TAFA5: variants seen among roughly 807,000 people sequenced by gnomAD.
TAFA5 encodes chemokine-like protein TAFA-5.
In TAFA5, 6 loss-of-function variants were observed where a neutral mutation model predicts 15.3. The ratio of observed to expected loss-of-function variants is 0.39; its 90% CI spans 0.21 to 0.77. The LOEUF (loss-of-function observed/expected upper bound fraction) is 0.77. Among genes scored for constraint, TAFA5 ranks in the 30% least tolerant of loss-of-function variants. The probability of loss-of-function intolerance (pLI) is 0.41; values close to 1 mark genes in which losing one functional copy is unlikely to be tolerated. For synonymous variants in TAFA5, 103 were observed against 80.7 expected, an observed-to-expected ratio of 1.28 and a Z score of -1.48; for missense variants, 161 against 193.1, an observed-to-expected ratio of 0.83 and a Z score of 0.98.
chr22:48,547,531 AG>A (rs1193482335), intron 1 of TAFA5: 1 of 152,310 alleles, frequency 6.6e-6, no homozygotes, highest in African/African-American at 2.4e-5. Flanking sequence ...TTGCTGGGCC[AG>A]AGCTGAAGCA....
intron 1 of TAFA5, among the ~76,000 whole-genome samples, chr22:48,641,777 C>T (rs1926689274): frequency 6.6e-6 from 1 of 152,306 alleles, no homozygotes; most frequent in African/African-American, 2.4e-5. Context: ...GTCCCATGTC[C>T]TCTCAGCAGA....
At chr22:48,662,979 G>C (rs1356860297) in intron 2 of TAFA5, among the ~76,000 whole-genome samples, 1 of 152,184 alleles carries the variant, frequency 6.6e-6, no homozygotes, top group Non-Finnish European at 1.5e-5. Context: ...GGCAGATCTG[G>C]CAGCTCATGC....
At chr22:48,533,988 G>A (rs1922060338) in intron 1 of TAFA5, among the ~76,000 whole-genome samples, 1 of 152,176 alleles carries the variant, frequency 6.6e-6, no homozygotes, top group Non-Finnish European at 1.5e-5. Flanking sequence ...GGACCCCTTA[G>A]CATCTGCATT....
rs1401007784 is a variant in TAFA5 at position 48,490,247 on chromosome 22, G to A, written c.112+543G>A. ...AAACGGGCTCGTCAGGCGCCTTCTGGAAAGAGAAGCGAAGTGAGGGATGGG... is the reference window on the plus strand; with the variant it reads ...AAACGGGCTCGTCAGGCGCCTTCTGAAAAGAGAAGCGAAGTGAGGGATGGG... On this transcript the variant is annotated intron_variant, in intron 1 of 3. Coordinates refer to ENST00000402357, the MANE Select transcript of TAFA5 (RefSeq NM_001082967.3). This position sits in a 1 kb window ranked among gnomAD's most constrained non-coding sequence, Gnocchi z 5.8. Among the ~76,000 whole-genome samples, 3 of 152,244 alleles carry A rather than the reference G, an allele frequency of 2.0e-5. No homozygotes were observed. The South Asian group carries it at 6.2e-4, about 32-fold the overall frequency.
chr22:48,694,054 G>C (rs7291345), intron 2 of TAFA5, among the ~76,000 whole-genome samples: 29,484 of 152,102 alleles, frequency 0.19, 4,009 homozygotes, highest in African/African-American at 0.35. Flanking sequence ...CAGGCCACGC[G>C]GAGGCTGACT....
rs139926573 is a variant in TAFA5 at position 48,511,309 on chromosome 22, T to C, written c.112+21605T>C. 3.3e-4 allele frequency among the ~76,000 whole-genome samples: 50 copies of C among 152,276 alleles called. 1 individual carries two copies. The East Asian group carries it at 8.7e-3, about 27-fold the overall frequency. On this transcript the variant is annotated intron_variant, in intron 1 of 3. Transcript: ENST00000402357. ...AGCCACCTTCTCGGGCTGGCCTCTT[T>C]TGTCTCCTGCTCCTTGGCAAACTGG...
chr22:48,636,144 C>T (rs1287068715), intron 1 of TAFA5, among the ~76,000 whole-genome samples: 2 of 152,238 alleles, frequency 1.3e-5, no homozygotes, highest in Non-Finnish European at 2.9e-5. Flanking sequence ...CCAGTGGGGA[C>T]ACAGGGAGGT....
At chr22:48,564,122 A>G (rs1426206743) in intron 1 of TAFA5, among the ~76,000 whole-genome samples, 1 of 152,242 alleles carries the variant, frequency 6.6e-6, no homozygotes, top group African/African-American at 2.4e-5. Context: ...AAGGCGGCTC[A>G]TCCCCTGGTC....
In TAFA5 at chr22:48,751,668, T is replaced by A. The variant is rs992060169; in HGVS notation, c.*1821T>A. ...ACTAAAAGAAGGGGCTGAGGTTGGG[T>A]TTGTCATCACAGAGGGGGTGGGCCT... is the stretch of plus-strand genomic sequence containing the variant. On this transcript the variant is annotated 3_prime_UTR_variant, in exon 4 of 4. Transcript: ENST00000402357. 1 of 152,224 alleles carries A rather than the reference T, an allele frequency of 6.6e-6. No individual in the cohort carries two copies. Among genetic ancestry groups the A allele is most frequent in the African/African-American group, 2.4e-5 (1 of 41,378 alleles). The allele number at this position is 152,224 out of a possible 1,614,324, so 9.4% of individuals were successfully genotyped here. A position where few individuals can be genotyped will look rare whatever the true frequency, so the allele number is the denominator to read the frequency against.
intron 2 of TAFA5, among the ~76,000 whole-genome samples, chr22:48,703,413 C>T (rs545038552): frequency 3.3e-5 from 5 of 152,218 alleles, no homozygotes; most frequent in African/African-American, 9.6e-5. Context: ...GGGTCCTTTC[C>T]GTAGACAGCC....
intron 1 of TAFA5, among the ~76,000 whole-genome samples, chr22:48,506,165 C>T (rs907286457): frequency 6.6e-6 from 1 of 152,200 alleles, no homozygotes; most frequent in African/African-American, 2.4e-5. Context: ...CCTCGCCTGG[C>T]CCCTCCTCCT....
intron 1 of TAFA5, among the ~76,000 whole-genome samples, chr22:48,517,929 G>A (rs1601844624): frequency 6.6e-6 from 1 of 152,232 alleles, no homozygotes; most frequent in South Asian, 2.1e-4. Context: ...CGGTGCGGGG[G>A]CAGCCTCGTG....
At position 48,751,214 on chromosome 22, in the gene TAFA5, C is replaced by CA. The variant is rs1930483481; in HGVS notation, c.*1368dup. ...GTTTCCCATTTCCTGCCCCTTTCGC[C>CA]ACTCACGGACCTTGAGGCCAGTTGA... On this transcript the variant is annotated 3_prime_UTR_variant, in exon 4 of 4. Transcript: ENST00000402357. The CA allele has an allele frequency of 6.6e-6, 1 of 152,500 alleles. No individual in the cohort carries two copies. The highest frequency in any genetic ancestry group is 1.5e-5 in the Non-Finnish European group (1 of 68,094). 9.4% of individuals were successfully genotyped at this position (152,500 alleles called of 1,614,324 possible). A position where few individuals can be genotyped will look rare whatever the true frequency, so the allele number is the denominator to read the frequency against.
At chr22:48,642,838 A>C (rs1038756849) in intron 1 of TAFA5, among the ~76,000 whole-genome samples, 133 of 152,212 alleles carry the variant, frequency 8.7e-4, no homozygotes, top group Middle Eastern at 3.4e-3. Flanking sequence ...GTGCATGCAC[A>C]CGTGTGTGTG....
intron 2 of TAFA5, among the ~76,000 whole-genome samples, chr22:48,696,656 C>T (rs1449743790): frequency 2.6e-5 from 4 of 152,236 alleles, no homozygotes; most frequent in Non-Finnish European, 5.9e-5. Context: ...GTCCAGGCAG[C>T]TGATGGCTGG....
chr22:48,696,649 C>T (rs1449498674), intron 2 of TAFA5, among the ~76,000 whole-genome samples: 2 of 152,244 alleles, frequency 1.3e-5, no homozygotes, highest in African/African-American at 4.8e-5. Context: ...TGCAGGTGTC[C>T]AGGCAGCTGA....
chr22:48,581,734 T>C (rs74339795), intron 1 of TAFA5, among the ~76,000 whole-genome samples: 9,132 of 152,284 alleles, frequency 0.06, 322 homozygotes, highest in African/African-American at 0.082. Context: ...TAAATGCTCA[T>C]AGGTGTTCAT....
At chr22:48,610,634 C>A (rs1184174916) in intron 1 of TAFA5, among the ~76,000 whole-genome samples, 2 of 151,734 alleles carry the variant, frequency 1.3e-5, no homozygotes, top group African/African-American at 4.8e-5. Flanking sequence ...TCGGGACCAC[C>A]TGGAGGGCTT....
At chr22:48,583,803 A>G (rs921242357) in intron 1 of TAFA5, among the ~76,000 whole-genome samples, 3 of 150,542 alleles carry the variant, frequency 2.0e-5, no homozygotes, top group African/African-American at 7.4e-5. Flanking sequence ...CACAGCACAC[A>G]ACACACCACA....
Sources: allele counts gnomAD v4.1 joint callset (sites outside exome capture counted in the v4.1 genomes callset), GRCh38; gene constraint gnomAD v4.1.1; non-coding constraint Gnocchi (gnomAD v3.1); transcripts MANE v1.5; gene names NCBI Gene and HGNC (gene_info 2026-07-23, HGNC 2026-07-21).